TXNL1: variants seen among roughly 807,000 people sequenced by gnomAD.
TXNL1 encodes the protein thioredoxin like 1, also known as thioredoxin-like protein 1.
TXNL1 carries 14 observed loss-of-function variants against 35.5 expected under a neutral mutation model. The observed-to-expected ratio is 0.39, with a 90% CI of 0.26 to 0.62. The LOEUF is 0.62. Among genes scored for constraint, TXNL1 ranks in the 20% least tolerant of loss-of-function variants. The pLI is 0.47. For synonymous variants in TXNL1, 110 were observed against 115.5 expected, an observed-to-expected ratio of 0.95 and a Z score of 0.31; for missense variants, 263 against 349.7, an observed-to-expected ratio of 0.75 and a Z score of 1.98.
In TXNL1 at chr18:56,611,021, T is replaced by C. The variant is rs1299082303; in HGVS notation, c.812A>G (p.Gln271Arg). The C allele has an allele frequency of 3.7e-6, 6 of 1,607,122 alleles. No individual in the cohort carries two copies. Among genetic ancestry groups the C allele is most frequent in the African/African-American group, 2.7e-5 (2 of 74,496 alleles). ...TTTGAAGTCATTCATATTTGTTGCC[T>C]GGACTGGAGTACCAATAAAAGTAAA... Reference protein sequence around the residue: ...SYFTFIGTPVQATNMNDFKRV... With the variant: ...SYFTFIGTPVRATNMNDFKRV... Residue 271 changes from glutamine (Q) to arginine (R), a missense_variant, in exon 7 of 8, where the codon CAG becomes CGG. By Grantham distance (43) the Gln-to-Arg change is conservative (BLOSUM62 1). Transcript: ENST00000217515.
chr18:56,634,053 A>G (rs954906147), intron 1 of TXNL1, among the ~76,000 whole-genome samples: 1 of 151,910 alleles, frequency 6.6e-6, no homozygotes, highest in Non-Finnish European at 1.5e-5. Context: ...GACCAGGGAC[A>G]ACGAACGACA....
intron 5 of TXNL1, 41 bp downstream of exon 5, chr18:56,616,204 A>T (rs1329963560): frequency 1.3e-6 from 2 of 1,556,272 alleles, no homozygotes; most frequent in Non-Finnish European, 1.8e-6. Flanking sequence ...ACAGTTCTAC[A>T]AAGCAGAAGT....
Position 56,601,335 on chromosome 18 carries a change from T to TAATCA in TXNL1, c.*1691_*1692insTGATT, listed in dbSNP as rs1376946138. ...AGTCACATAGACAATATAAATCTGATGTCCAATCCTTTACAAATACGAAAT... is the reference window on the plus strand; with the variant it reads ...AGTCACATAGACAATATAAATCTGATAATCAGTCCAATCCTTTACAAATACGAAAT... On this transcript the variant is annotated 3_prime_UTR_variant, in exon 8 of 8. Coordinates refer to ENST00000217515, the MANE Select transcript of TXNL1 (RefSeq NM_004786.3). 6.6e-6 allele frequency: 1 copy of TAATCA among 152,216 alleles called. No individual in the cohort carries two copies. The highest frequency in any genetic ancestry group is 2.4e-5 in the African/African-American group (1 of 41,454). The allele number at this position is 152,216 out of a possible 1,614,324, so 9.4% of individuals were successfully genotyped here.
At chr18:56,631,994 A>G (rs2024379892) in intron 1 of TXNL1, among the ~76,000 whole-genome samples, 1 of 152,156 alleles carries the variant, frequency 6.6e-6, no homozygotes, top group South Asian at 2.1e-4. Context: ...TTAACCAGTA[A>G]GTAAGAAGTG....
Position 56,618,027 on chromosome 18 carries a change from A to T in TXNL1, c.469T>A (p.Leu157Met). 1 of 1,614,058 alleles carries T rather than the reference A, an allele frequency of 6.2e-7. No homozygotes were observed. The highest frequency in any genetic ancestry group is 1.3e-5 in the African/African-American group (1 of 75,062). Residue 157 changes from leucine (L) to methionine (M), a missense_variant, in exon 4 of 8, where the codon TTG becomes ATG. Coordinates refer to ENST00000217515, the MANE Select transcript of TXNL1 (RefSeq NM_004786.3). The part of the protein sequence containing the change: ...DNCLRKDTTF[L>M]ESDCDEQLLI... ...ACCTGTTCATCACAGTCAGATTCCA[A>T]GAAGGTTGTGTCTTTTCGTAAACAG...
chr18:56,618,760 TA>T (rs533898217), intron 3 of TXNL1, among the ~76,000 whole-genome samples: 4 of 150,666 alleles, frequency 2.7e-5, no homozygotes, highest in East Asian at 3.9e-4. Context: ...AATAAGAACT[TA>T]AAAAAAAACA....
chr18:56,604,447 T>C (rs1027436150), intron 7 of TXNL1: 18 of 152,224 alleles, frequency 1.2e-4, no homozygotes, highest in African/African-American at 4.3e-4. Flanking sequence ...GTTTCACAGG[T>C]TGATAACTCT....
At chr18:56,635,209 C>T (rs944367157) in intron 1 of TXNL1, among the ~76,000 whole-genome samples, 3 of 151,902 alleles carry the variant, frequency 2.0e-5, no homozygotes, top group Non-Finnish European at 2.9e-5. Flanking sequence ...AGTGAGCCAT[C>T]GTCTCAAAAC....
chr18:56,601,223 G>A lies in TXNL1; in HGVS notation c.*1804C>T, dbSNP rs1205535710. Reference sequence around the variant, plus strand: ...AGTAAGATTTCCCATTAAGTGAAACGTTATAGTTACCTATAAACGTTCATT... The same window carrying A: ...AGTAAGATTTCCCATTAAGTGAAACATTATAGTTACCTATAAACGTTCATT... On this transcript the variant is annotated 3_prime_UTR_variant, in exon 8 of 8. Transcript: ENST00000217515. 2.6e-5 allele frequency: 4 copies of A among 152,150 alleles called. No homozygotes were observed. Among genetic ancestry groups the A allele is most frequent in the East Asian group, 1.9e-4 (1 of 5,188 alleles). 9.4% of individuals were successfully genotyped at this position (152,150 alleles called of 1,614,324 possible).
At chr18:56,613,778 T>G (rs1019640206) in intron 6 of TXNL1, among the ~76,000 whole-genome samples, 2 of 152,266 alleles carry the variant, frequency 1.3e-5, no homozygotes, top group East Asian at 3.9e-4. Context: ...GCCACTGTAC[T>G]CCAGCCTGGA....
chr18:56,629,243 A>G (rs1463363830), intron 1 of TXNL1, among the ~76,000 whole-genome samples: 1 of 152,254 alleles, frequency 6.6e-6, no homozygotes, highest in Non-Finnish European at 1.5e-5. Flanking sequence ...AAGTTATGAC[A>G]GGGGCCAGGC....
intron 3 of TXNL1, among the ~76,000 whole-genome samples, chr18:56,622,451 T>A (rs2024204253): frequency 6.6e-6 from 1 of 152,204 alleles, no homozygotes; most frequent in Non-Finnish European, 1.5e-5. Flanking sequence ...TATAATGGTA[T>A]CATCGTTATA....
chr18:56,629,507 C>T (rs765524893), intron 1 of TXNL1, among the ~76,000 whole-genome samples: 7 of 152,128 alleles, frequency 4.6e-5, no homozygotes, highest in Non-Finnish European at 8.8e-5. Context: ...CAGCCTGATA[C>T]TTTGCAGTGT....
At chr18:56,632,849 C>A (rs1287655805) in intron 1 of TXNL1, among the ~76,000 whole-genome samples, 2 of 152,124 alleles carry the variant, frequency 1.3e-5, no homozygotes, top group Non-Finnish European at 2.9e-5. Context: ...TTCAATATGC[C>A]CTAGTCTTAC....
At chr18:56,634,011 C>CAAA (rs1753022586) in intron 1 of TXNL1, among the ~76,000 whole-genome samples, 16 of 121,470 alleles carry the variant, frequency 1.3e-4, no homozygotes, top group African/African-American at 1.5e-4. Context: ...AAAAAAAAAT[C>CAAA]ATTCACACTG....
chr18:56,603,501 A>G (rs1444063185), intron 7 of TXNL1, among the ~76,000 whole-genome samples: 2 of 152,084 alleles, frequency 1.3e-5, no homozygotes, highest in African/African-American at 4.8e-5. Context: ...TTCCCCCTCA[A>G]TACACTGACA....
chr18:56,626,110 A>C, intron 2 of TXNL1: 1 of 989,980 alleles, frequency 1.0e-6, no homozygotes, highest in Non-Finnish European at 1.3e-6. Flanking sequence ...CTGCTAGGTG[A>C]CCTATTAACA....
chr18:56,617,947 C>T (rs2024117000), intron 4 of TXNL1, 57 bp downstream of exon 4: 1 of 1,586,612 alleles, frequency 6.3e-7, no homozygotes, highest in African/African-American at 1.3e-5. Context: ...GAACAAGAAA[C>T]AAGAGCAGGC....
intron 2 of TXNL1, 72 bp from the exon 3 acceptor site, chr18:56,624,533 AT>A: frequency 6.8e-7 from 1 of 1,474,454 alleles, no homozygotes; most frequent in Non-Finnish European, 9.2e-7. Context: ...CTACACCTTT[AT>A]GGAAGTTAAA....
Sources: gnomAD v4.1 joint callset for allele counts (sites outside exome capture counted in the v4.1 genomes callset) on GRCh38, gnomAD v4.1.1 for gene constraint, MANE v1.5 for transcripts, NCBI Gene and HGNC (gene_info 2026-07-23, HGNC 2026-07-21) for gene names.